The following CD163L1 variants were observed in gnomAD, a reference collection of about 807,000 sequenced individuals.
CD163L1 encodes CD163 molecule like 1, also known as scavenger receptor cysteine-rich type 1 protein M160.
Under a neutral mutation model 165.4 loss-of-function variants are expected in CD163L1, and 124 were observed. That is an observed-to-expected ratio of 0.75 (90% CI 0.65 to 0.87). CD163L1 has a LOEUF of 0.87. Among genes scored for constraint, CD163L1 ranks in the 40% least tolerant of loss-of-function variants. The probability of loss-of-function intolerance (pLI) is 0.00; values close to 1 mark genes in which losing one functional copy is unlikely to be tolerated. For synonymous variants in CD163L1, 585 were observed against 662.2 expected (o/e 0.88, Z 1.79); for missense variants, 1,525 against 1,799.9 (o/e 0.85, Z 2.76).
intron 2 of CD163L1, among the ~76,000 whole-genome samples, chr12:7,436,773 A>G (rs1948720151): frequency 6.6e-6 from 1 of 152,144 alleles, no homozygotes; most frequent in African/African-American, 2.4e-5. Context: ...TATAGAAAAT[A>G]ATGAAAAACC....
intron 9 of CD163L1, among the ~76,000 whole-genome samples, chr12:7,376,433 T>C (rs1213334281): frequency 6.6e-6 from 1 of 152,230 alleles, no homozygotes; most frequent in Admixed American, 6.5e-5. Flanking sequence ...AAAAAAATAC[T>C]GCCCATTATT....
downstream of CD163L1, among the ~76,000 whole-genome samples, chr12:7,342,847 C>T (rs1163853296): frequency 6.6e-6 from 1 of 152,160 alleles, no homozygotes; most frequent in Non-Finnish European, 1.5e-5. Flanking sequence ...TTCATGGACT[C>T]CAAAATATTA....
Position 7,374,380 on chromosome 12 carries a change from T to G in CD163L1, c.3409+62A>C. The stretch of plus-strand genomic sequence containing the variant: ...CTTTTCACTACACTTTACAATTGTG[T>G]TGTGTGTGTGCAAGTGTGTGCACGT... On this transcript the variant is annotated intron_variant, in intron 13 of 19. Coordinates refer to ENST00000313599, the MANE Select transcript of CD163L1 (RefSeq NM_174941.6). The surrounding 1 kb of genome is among the most constrained non-coding windows in gnomAD (Gnocchi z 5.4). 6.8e-7 allele frequency: 1 copy of G among 1,477,982 alleles called. No homozygotes were observed. The highest frequency in any genetic ancestry group is 9.2e-7 in the Non-Finnish European group (1 of 1,092,896). The allele number at this position is 1,477,982 out of a possible 1,614,324, so 91.6% of individuals were successfully genotyped here.
intron 8 of CD163L1, among the ~76,000 whole-genome samples, chr12:7,388,331 A>T (rs1212038313): frequency 2.0e-5 from 3 of 152,224 alleles, no homozygotes; most frequent in Non-Finnish European, 4.4e-5. Flanking sequence ...GTGAAAAGAC[A>T]TCCTGTTGAA....
At chr12:7,377,239 T>C (rs1174898416) in intron 9 of CD163L1, among the ~76,000 whole-genome samples, 1 of 152,244 alleles carries the variant, frequency 6.6e-6, no homozygotes, top group Non-Finnish European at 1.5e-5. Context: ...CGAGTCTTTG[T>C]CTATGTTTCA....
intron 18 of CD163L1, among the ~76,000 whole-genome samples, chr12:7,361,066 A>G (rs912056767): frequency 6.6e-6 from 1 of 152,092 alleles, no homozygotes; most frequent in Non-Finnish European, 1.5e-5. Flanking sequence ...TTTAGTGTCA[A>G]TTCAGTTCTC....
chr12:7,390,129 G>A (rs1463733520), intron 8 of CD163L1, among the ~76,000 whole-genome samples: 2 of 151,410 alleles, frequency 1.3e-5, no homozygotes, highest in African/African-American at 2.4e-5. Context: ...ACTCATATAC[G>A]GGAGCTAAAA....
chr12:7,380,335 A>ACGTATACATACATGTATGTGCGTATACG, intron 8 of CD163L1, among the ~76,000 whole-genome samples: 1 of 112,386 alleles, frequency 8.9e-6, no homozygotes, highest in East Asian at 2.6e-4. Context: ...GTATGTATAC[A>ACGTATACATACATGTATGTGCGTATACG]CGTATACATA....
downstream of CD163L1, among the ~76,000 whole-genome samples, chr12:7,354,559 G>A (rs1239548056): frequency 6.6e-6 from 1 of 152,130 alleles, no homozygotes; most frequent in Non-Finnish European, 1.5e-5. Context: ...AGTAGGATAC[G>A]TATGGAGTGG....
At chr12:7,401,894 TATA>T (rs1352429402) in intron 6 of CD163L1, among the ~76,000 whole-genome samples, 1 of 152,096 alleles carries the variant, frequency 6.6e-6, no homozygotes, top group Non-Finnish European at 1.5e-5. Flanking sequence ...AAGTAATTTT[TATA>T]ATGTTTTATA....
chr12:7,337,976 T>C, the CD163L1 span, among the ~76,000 whole-genome samples: 9 of 152,326 alleles, frequency 5.9e-5, no homozygotes, highest in South Asian at 1.9e-3. Context: ...CATGGAATAG[T>C]ATGCAGCCAT....
chr12:7,424,647 C>T (rs932159951), intron 4 of CD163L1, among the ~76,000 whole-genome samples: 7 of 152,164 alleles, frequency 4.6e-5, no homozygotes, highest in Admixed American at 1.3e-4. Flanking sequence ...TCTCAGCATA[C>T]AAAATCAATG....
At chr12:7,393,954 A>G (rs1947716531) in intron 8 of CD163L1, among the ~76,000 whole-genome samples, 2 of 152,208 alleles carry the variant, frequency 1.3e-5, no homozygotes, top group African/African-American at 2.4e-5. Flanking sequence ...TTCCATGCTC[A>G]TGGATAGGAA....
At chr12:7,390,842 T>A (rs866696888) in intron 8 of CD163L1, among the ~76,000 whole-genome samples, 1 of 152,214 alleles carries the variant, frequency 6.6e-6, no homozygotes, top group Admixed American at 6.5e-5. Flanking sequence ...TTTAAAATTG[T>A]ACTACATGGG....
downstream of CD163L1, among the ~76,000 whole-genome samples, chr12:7,353,325 A>G (rs1946721137): frequency 6.6e-6 from 1 of 152,066 alleles, no homozygotes; most frequent in African/African-American, 2.4e-5. Context: ...TATCAGCATG[A>G]GGCACAGAAG....
At chr12:7,421,278 T>C (rs916992237) in intron 4 of CD163L1, among the ~76,000 whole-genome samples, 3 of 115,690 alleles carry the variant, frequency 2.6e-5, no homozygotes, top group Non-Finnish European at 4.9e-5. Flanking sequence ...CAAATGTGTG[T>C]ATATATATAT....
rs373782253 is a variant in CD163L1 at position 7,432,684 on chromosome 12, C to A, written c.498G>T (p.Gly166=). Reference sequence around the variant, plus strand: ...TTTCTTGGAATTTCACCTCCACTCTCCCTGAACAGGAGTTGTTTCCATCCA... The same window carrying A: ...TTTCTTGGAATTTCACCTCCACTCTACCTGAACAGGAGTTGTTTCCATCCA... ...RLVDGNNSCS[G]RVEVKFQERW... is the part of the protein sequence containing the mutation. Residue 166 remains glycine, a synonymous_variant, in exon 4 of 20, where the codon GGG becomes GGT. Coordinates refer to ENST00000313599, the MANE Select transcript of CD163L1 (RefSeq NM_174941.6). This position sits in a 1 kb window ranked among gnomAD's most constrained non-coding sequence, Gnocchi z 4.2. The A allele has an allele frequency of 3.8e-5, 61 of 1,613,868 alleles. No homozygotes were observed. The African/African-American group carries it at 7.1e-4, about 19-fold the overall frequency.
At chr12:7,389,422 C>A (rs1020986943) in intron 8 of CD163L1, among the ~76,000 whole-genome samples, 1 of 152,142 alleles carries the variant, frequency 6.6e-6, no homozygotes, top group Admixed American at 6.5e-5. Flanking sequence ...GGAAGGCAAA[C>A]ATCGCATGCT....
the CD163L1 span, chr12:7,327,119 A>C: frequency 6.4e-7 from 1 of 1,573,880 alleles, no homozygotes; most frequent in Non-Finnish European, 8.6e-7. Flanking sequence ...CCAAAAGTTA[A>C]GTTTGGATGT....
Sources: allele counts gnomAD v4.1 joint callset (sites outside exome capture counted in the v4.1 genomes callset), GRCh38; gene constraint gnomAD v4.1.1; non-coding constraint Gnocchi (gnomAD v3.1); transcripts MANE v1.5; gene names NCBI Gene and HGNC (gene_info 2026-07-23, HGNC 2026-07-21).